The following DPP10 variants were observed in gnomAD, a reference collection of about 807,000 sequenced individuals.
The protein encoded by DPP10 is inactive dipeptidyl peptidase 10.
In DPP10, 33 loss-of-function variants were observed where a neutral mutation model predicts 120.9. The ratio of observed to expected loss-of-function variants is 0.27; its 90% CI spans 0.21 to 0.37. The LOEUF is 0.37. Ranked by LOEUF, DPP10 falls within the 10% of genes least tolerant of loss-of-function variation. The pLI is 1.00. For missense variants in DPP10, 816 were observed against 942.8 expected, an observed-to-expected ratio of 0.87 and a Z score of 1.76; for synonymous variants, 337 against 326.1, an observed-to-expected ratio of 1.03 and a Z score of -0.36.
chr2:115,523,396 CAAAAAAA>C (rs67633094), intron 4 of DPP10, among the ~76,000 whole-genome samples: 1 of 69,166 alleles, frequency 1.4e-5, no homozygotes, highest in Non-Finnish European at 2.5e-5. Context: ...GAGAAGCTCT[CAAAAAAA>C]AAAAAAAAAA....
rs554548454 is a variant in DPP10, at chr2:115,539,816, T to G, written c.441+13844T>G. On this transcript the variant is annotated intron_variant, in intron 5 of 25. Transcript: ENST00000410059. ...CTTAGTAGAAACAGAAAACTTCAAG[T>G]TAAAAAAAAAAACCACAACCAGATA... Among the ~76,000 whole-genome samples, 71 of 140,052 alleles carry G rather than the reference T, an allele frequency of 5.1e-4. No homozygotes were observed. In the South Asian group the frequency reaches 6.4e-3, roughly 13 times the overall value. The allele number at this position is 140,052 out of a possible 152,430, so 91.9% of individuals were successfully genotyped here. A position where few individuals can be genotyped will look rare whatever the true frequency, so the allele number is the denominator to read the frequency against.
chr2:115,133,563 C>T (rs762157327), intron 1 of DPP10, among the ~76,000 whole-genome samples: 64 of 152,066 alleles, frequency 4.2e-4, no homozygotes, highest in Admixed American at 2.0e-3. Flanking sequence ...CTTTATCAGG[C>T]GTCGTGAGGT....
intron 1 of DPP10, among the ~76,000 whole-genome samples, chr2:115,125,191 T>C (rs1427316308): frequency 1.3e-5 from 2 of 152,174 alleles, no homozygotes; most frequent in Non-Finnish European, 2.9e-5. Context: ...TCAGAAGTAA[T>C]GAGATCAGTA....
At chr2:114,644,972 A>C (rs1696007237) in intron 1 of DPP10, among the ~76,000 whole-genome samples, 1 of 151,934 alleles carries the variant, frequency 6.6e-6, no homozygotes, top group African/African-American at 2.4e-5. Context: ...TTCAGTCATC[A>C]CAAAGAAAAA....
chr2:115,433,525 G>T (rs2071204469), intron 3 of DPP10, among the ~76,000 whole-genome samples: 1 of 151,932 alleles, frequency 6.6e-6, no homozygotes, highest in South Asian at 2.1e-4. Context: ...CTGTTCTCAT[G>T]ATGTAATTAA....
intron 1 of DPP10, among the ~76,000 whole-genome samples, chr2:114,935,030 G>A (rs574100514): frequency 5.4e-4 from 82 of 152,200 alleles, no homozygotes; most frequent in South Asian, 4.1e-3. Context: ...AGGTTTTAGA[G>A]ATTCACTCGT....
intron 1 of DPP10, among the ~76,000 whole-genome samples, chr2:114,844,553 C>T (rs1435780481): frequency 6.6e-6 from 1 of 151,880 alleles, no homozygotes; most frequent in Admixed American, 6.6e-5. Context: ...TATTCAAGTA[C>T]ACAAGTTGAA....
intron 1 of DPP10, among the ~76,000 whole-genome samples, chr2:114,514,278 A>C (rs145736026): frequency 6.6e-6 from 1 of 152,234 alleles, no homozygotes; most frequent in Admixed American, 6.5e-5. Context: ...TGATGTACAC[A>C]CTCTTATGAC....
At chr2:114,873,137 C>A (rs186915906) in intron 1 of DPP10, among the ~76,000 whole-genome samples, 1 of 152,174 alleles carries the variant, frequency 6.6e-6, no homozygotes, top group Non-Finnish European at 1.5e-5. Context: ...TAATGGCTAA[C>A]CACATTGCTA....
chr2:114,525,731 T>C (rs1334416780), intron 1 of DPP10, among the ~76,000 whole-genome samples: 2 of 152,234 alleles, frequency 1.3e-5, no homozygotes, highest in Non-Finnish European at 2.9e-5. Flanking sequence ...GGAAGATGAC[T>C]AAACCATTTC....
chr2:115,690,744 G>A (rs1187413008), intron 7 of DPP10, among the ~76,000 whole-genome samples: 1 of 152,114 alleles, frequency 6.6e-6, no homozygotes, highest in Non-Finnish European at 1.5e-5. Context: ...CATATCTCAT[G>A]GTGACAATGT....
intron 1 of DPP10, among the ~76,000 whole-genome samples, chr2:114,570,483 GT>G (rs970450199): frequency 2.0e-5 from 3 of 152,096 alleles, no homozygotes; most frequent in Admixed American, 6.6e-5. Flanking sequence ...TTGGCAATGT[GT>G]CCACAGTAGG....
intron 1 of DPP10, among the ~76,000 whole-genome samples, chr2:114,582,807 G>C (rs987902648): frequency 3.3e-5 from 5 of 149,696 alleles, no homozygotes; most frequent in Non-Finnish European, 7.5e-5. Context: ...CTTACTGGTG[G>C]ACTTTGATAT....
At chr2:115,799,931 A>G (rs529192793) in intron 19 of DPP10, among the ~76,000 whole-genome samples, 39 of 151,838 alleles carry the variant, frequency 2.6e-4, no homozygotes, top group African/African-American at 9.4e-4. Flanking sequence ...ATGATTTATA[A>G]TCCTTTGGGT....
chr2:115,626,182 T>G (rs1251607394), intron 5 of DPP10, among the ~76,000 whole-genome samples: 1 of 151,950 alleles, frequency 6.6e-6, no homozygotes. Flanking sequence ...AGTAAACTCT[T>G]TATGTAGTTG....
At chr2:114,711,681 C>A (rs562726861) in intron 1 of DPP10, among the ~76,000 whole-genome samples, 2 of 151,986 alleles carry the variant, frequency 1.3e-5, no homozygotes, top group Non-Finnish European at 2.9e-5. Context: ...AGACTGTCCA[C>A]GTTTTAATTA....
chr2:115,006,974 C>A (rs1701894735), intron 1 of DPP10, among the ~76,000 whole-genome samples: 1 of 151,980 alleles, frequency 6.6e-6, no homozygotes, highest in Non-Finnish European at 1.5e-5. Flanking sequence ...GGAAGTAAAG[C>A]TCTCCTCAGC....
intron 5 of DPP10, among the ~76,000 whole-genome samples, chr2:115,609,353 GA>G (rs2083933398): frequency 6.6e-6 from 1 of 151,936 alleles, no homozygotes; most frequent in South Asian, 2.1e-4. Context: ...AAAAAAGGAT[GA>G]AAATCACAAA....
At chr2:115,409,055 CT>C (rs1241130824) in intron 3 of DPP10, among the ~76,000 whole-genome samples, 1 of 151,840 alleles carries the variant, frequency 6.6e-6, no homozygotes, top group African/African-American at 2.4e-5. Flanking sequence ...AAAAAAAATA[CT>C]GATAGACTTT....
Sources: allele counts gnomAD v4.1 joint callset (sites outside exome capture counted in the v4.1 genomes callset), GRCh38; gene constraint gnomAD v4.1.1; transcripts MANE v1.5; gene names NCBI Gene and HGNC (gene_info 2026-07-23, HGNC 2026-07-21).